The following IGSF21 variants were observed in gnomAD, a reference collection of about 807,000 sequenced individuals.
The protein encoded by IGSF21 is immunoglobulin superfamily member 21.
In IGSF21, 28 loss-of-function variants were observed where a neutral mutation model predicts 46.8. The ratio of observed to expected loss-of-function variants is 0.60; its 90% CI spans 0.44 to 0.82. IGSF21 has a LOEUF of 0.82. IGSF21 is among the 40% of genes least tolerant of loss of function. The pLI is 0.00. For synonymous variants in IGSF21, 284 were observed against 273.6 expected, an observed-to-expected ratio of 1.04 and a Z score of -0.38; for missense variants, 624 against 665.5, an observed-to-expected ratio of 0.94 and a Z score of 0.69.
At chr1:18,195,959 G>T (rs1269822824) in intron 1 of IGSF21, among the ~76,000 whole-genome samples, 1 of 152,222 alleles carries the variant, frequency 6.6e-6, no homozygotes, top group Non-Finnish European at 1.5e-5. Context: ...CAAGTGGCAG[G>T]TGCAGAGCCC....
At chr1:18,146,900 G>T (rs893778098) in intron 1 of IGSF21, among the ~76,000 whole-genome samples, 1 of 152,172 alleles carries the variant, frequency 6.6e-6, no homozygotes. Context: ...GCTGGTTAAT[G>T]GTAGGGTAAG....
intron 1 of IGSF21, among the ~76,000 whole-genome samples, chr1:18,153,672 C>A (rs1364780305): frequency 1.4e-5 from 2 of 147,234 alleles, no homozygotes; most frequent in Non-Finnish European, 3.0e-5. Flanking sequence ...AACTGAGGGT[C>A]AGGAGAGTGA....
chr1:18,294,223 G>C (rs1185059362), intron 3 of IGSF21, among the ~76,000 whole-genome samples: 1 of 152,144 alleles, frequency 6.6e-6, no homozygotes, highest in Admixed American at 6.5e-5. Flanking sequence ...AGCACTAAGA[G>C]GCTAGCTGCA....
intron 1 of IGSF21, 60 bp from the exon 2 acceptor site, chr1:18,227,838 T>C (rs953607020): frequency 2.3e-6 from 3 of 1,282,176 alleles, no homozygotes; most frequent in Non-Finnish European, 2.3e-6. Flanking sequence ...CCTGCCCTCA[T>C]CAGCCCAGCC....
chr1:18,340,975 T>C (rs557641873), intron 4 of IGSF21, among the ~76,000 whole-genome samples: 2 of 135,528 alleles, frequency 1.5e-5, no homozygotes, highest in South Asian at 5.8e-4. Flanking sequence ...TTCTTCTCCT[T>C]CTTCTTCTCC....
intron 3 of IGSF21, among the ~76,000 whole-genome samples, chr1:18,296,289 CCGGTAGCAAAAGACGAATTCA>C (rs1308102039): frequency 6.6e-6 from 1 of 152,128 alleles, no homozygotes; most frequent in Non-Finnish European, 1.5e-5. Context: ...GGCTGGGTCC[CCGGTAGCAAAAGACGAATTCA>C]CAAGACAAAA....
At chr1:18,143,871 C>G (rs1179654918) in intron 1 of IGSF21, among the ~76,000 whole-genome samples, 2 of 152,122 alleles carry the variant, frequency 1.3e-5, no homozygotes, top group Non-Finnish European at 2.9e-5. Flanking sequence ...GACTTGGATT[C>G]TCTCCCCAAG....
chr1:18,331,340 T>C (rs1158234658), intron 3 of IGSF21, among the ~76,000 whole-genome samples: 2 of 152,216 alleles, frequency 1.3e-5, no homozygotes, highest in Non-Finnish European at 2.9e-5. Flanking sequence ...CTCCCACTTA[T>C]GCATGAGAAC....
At chr1:18,190,120 G>A (rs945452938) in intron 1 of IGSF21, among the ~76,000 whole-genome samples, 4 of 152,198 alleles carry the variant, frequency 2.6e-5, no homozygotes, top group African/African-American at 7.2e-5. Flanking sequence ...CAGACCCAAG[G>A]TGATGCTCTC....
intron 1 of IGSF21, among the ~76,000 whole-genome samples, chr1:18,174,663 G>A (rs12036081): frequency 5.3e-5 from 8 of 152,154 alleles, no homozygotes; most frequent in African/African-American, 1.9e-4. Flanking sequence ...TTGCCCACCC[G>A]ATTCCCATCG....
At chr1:18,153,229 G>T (rs11806379) in intron 1 of IGSF21, among the ~76,000 whole-genome samples, 1 of 152,190 alleles carries the variant, frequency 6.6e-6, no homozygotes, top group Non-Finnish European at 1.5e-5. Context: ...ATTCCCGGGC[G>T]TTGCTTCAGC....
chr1:18,321,151 T>C (rs1161872886), intron 3 of IGSF21, among the ~76,000 whole-genome samples: 1 of 152,176 alleles, frequency 6.6e-6, no homozygotes, highest in Non-Finnish European at 1.5e-5. Context: ...TATGATGCAT[T>C]CTTGCTGGAG....
intron 3 of IGSF21, among the ~76,000 whole-genome samples, chr1:18,303,734 C>T (rs1320787343): frequency 6.6e-6 from 1 of 152,136 alleles, no homozygotes; most frequent in Non-Finnish European, 1.5e-5. Flanking sequence ...AGTTCTCTGT[C>T]CCCATGGAGC....
At chr1:18,353,704 A>G (rs1226387299) in intron 4 of IGSF21, among the ~76,000 whole-genome samples, 1 of 152,226 alleles carries the variant, frequency 6.6e-6, no homozygotes, top group Non-Finnish European at 1.5e-5. Flanking sequence ...GAAAGACTTC[A>G]AACAGGGGAA....
chr1:18,169,495 C>T (rs2086713944), intron 1 of IGSF21, among the ~76,000 whole-genome samples: 1 of 152,202 alleles, frequency 6.6e-6, no homozygotes, highest in African/African-American at 2.4e-5. Context: ...CCAAGCATTC[C>T]AGGGCTAATT....
At chr1:18,212,013 C>T (rs574579958) in intron 1 of IGSF21, among the ~76,000 whole-genome samples, 1 of 152,340 alleles carries the variant, frequency 6.6e-6, no homozygotes, top group East Asian at 1.9e-4. Flanking sequence ...TCACAGCTTC[C>T]CAGCAATGTT....
intron 1 of IGSF21, among the ~76,000 whole-genome samples, chr1:18,208,396 T>TATATATATATATATATATATATA (rs397732378): frequency 1.2e-3 from 118 of 102,222 alleles, no homozygotes; most frequent in East Asian, 1.6e-3. Context: ...TATATATATA[T>TATATATATATATATATATATATA]TTTTTGAGAC....
intron 1 of IGSF21, among the ~76,000 whole-genome samples, chr1:18,216,990 T>G (rs1343364611): frequency 6.6e-6 from 1 of 152,086 alleles, no homozygotes; most frequent in African/African-American, 2.4e-5. Flanking sequence ...TGCGTGGAGC[T>G]CCTGTTATCA....
chr1:18,373,232 C>A (rs891426762), intron 6 of IGSF21, among the ~76,000 whole-genome samples: 1 of 152,288 alleles, frequency 6.6e-6, no homozygotes. Flanking sequence ...AAGTAGAGGG[C>A]TAGGTGTCAA....
Sources: allele counts gnomAD v4.1 joint callset (sites outside exome capture counted in the v4.1 genomes callset), GRCh38; gene constraint gnomAD v4.1.1; transcripts MANE v1.5; gene names NCBI Gene and HGNC (gene_info 2026-07-23, HGNC 2026-07-21).